Variants in MAML3 observed in about 807,000 individuals in gnomAD.
The protein encoded by MAML3 is mastermind-like protein 3.
Under a neutral mutation model 101.9 loss-of-function variants are expected in MAML3, and 27 were observed. The ratio of observed to expected loss-of-function variants is 0.27; its 90% CI spans 0.20 to 0.37. MAML3 has a LOEUF of 0.37. Ranked by LOEUF, MAML3 falls within the 10% of genes least tolerant of loss-of-function variation. The pLI is 1.00. For missense variants in MAML3, 1,316 were observed against 1,444.9 expected, an observed-to-expected ratio of 0.91 and a Z score of 1.45; for synonymous variants, 501 against 555.9, an observed-to-expected ratio of 0.90 and a Z score of 1.39.
chr4:140,114,330 A>G lies in MAML3; in HGVS notation c.468+38530T>C, dbSNP rs116553243. On this transcript the variant is annotated intron_variant, in intron 1 of 4. Transcript: ENST00000509479. ...TGTGCTGTTCCTTGAATTTCCTGCA[A>G]TCTCAACAGTACCTGGCACAGAGGG... 3.3e-3 allele frequency among the ~76,000 whole-genome samples: 508 copies of G among 152,338 alleles called. 5 individuals are homozygous for G. The highest frequency in any genetic ancestry group is 0.012 in the African/African-American group (479 of 41,578).
chr4:139,928,920 A>G lies in MAML3; in HGVS notation c.469-37953T>C, dbSNP rs145220120. 1.6e-3 allele frequency among the ~76,000 whole-genome samples: 243 copies of G among 152,354 alleles called. No individual in the cohort carries two copies. In the Middle Eastern group the frequency reaches 0.017, roughly 11 times the overall value. ...TTTGGAAGCTACTGAAATAGTTTAG[A>G]ATATCAGACAGGGTCTGAATTAGGG... On this transcript the variant is annotated intron_variant, in intron 1 of 4. Coordinates refer to ENST00000509479, the MANE Select transcript of MAML3 (RefSeq NM_018717.5).
At chr4:139,860,345 T>C (rs1192612483) in intron 2 of MAML3, among the ~76,000 whole-genome samples, 1 of 152,248 alleles carries the variant, frequency 6.6e-6, no homozygotes, top group Admixed American at 6.5e-5. Context: ...CTTGGCCATC[T>C]TCCAGAAAGT....
chr4:139,809,099 A>T (rs143978172), intron 2 of MAML3, among the ~76,000 whole-genome samples: 1 of 152,310 alleles, frequency 6.6e-6, no homozygotes, highest in East Asian at 1.9e-4. Flanking sequence ...TTCTTATTTC[A>T]TCTCCAGAAA....
At chr4:139,954,900 G>A (rs191886112) in intron 1 of MAML3, among the ~76,000 whole-genome samples, 3 of 151,530 alleles carry the variant, frequency 2.0e-5, no homozygotes, top group East Asian at 1.9e-4. Flanking sequence ...ATAATGTATC[G>A]ATAAAAATTT....
At chr4:139,864,710 T>C (rs1429223413) in intron 2 of MAML3, among the ~76,000 whole-genome samples, 1 of 111,738 alleles carries the variant, frequency 8.9e-6, no homozygotes. Context: ...GAAAAAGAAA[T>C]CTTGAATGAT....
chr4:139,812,363 G>A (rs894463669), intron 2 of MAML3, among the ~76,000 whole-genome samples: 8 of 152,168 alleles, frequency 5.3e-5, no homozygotes, highest in African/African-American at 1.4e-4. Flanking sequence ...ATTAGAAGTC[G>A]TAGACCCTGA....
At chr4:139,974,400 C>A (rs114011777) in intron 1 of MAML3, among the ~76,000 whole-genome samples, 39 of 152,150 alleles carry the variant, frequency 2.6e-4, no homozygotes, top group African/African-American at 9.2e-4. Flanking sequence ...CCACCGCGCC[C>A]GGCCATTTAA....
chr4:139,834,447 T>C (rs192134568), intron 2 of MAML3, among the ~76,000 whole-genome samples: 2 of 152,350 alleles, frequency 1.3e-5, no homozygotes, highest in Admixed American at 1.3e-4. Context: ...CACTTCTGTA[T>C]GTGGCCTGGG....
At chr4:139,995,611 G>A (rs1232129981) in intron 1 of MAML3, among the ~76,000 whole-genome samples, 1 of 152,058 alleles carries the variant, frequency 6.6e-6, no homozygotes, top group African/African-American at 2.4e-5. Flanking sequence ...TATTTGATTT[G>A]TTGGTGTGAG....
intron 1 of MAML3, among the ~76,000 whole-genome samples, chr4:140,118,067 G>A (rs1490942686): frequency 6.6e-6 from 1 of 151,576 alleles, no homozygotes; most frequent in Non-Finnish European, 1.5e-5. Context: ...CCCACAGCCG[G>A]CATTTCTTCA....
intron 1 of MAML3, among the ~76,000 whole-genome samples, chr4:140,093,264 T>A (rs1385513853): frequency 1.3e-5 from 2 of 152,174 alleles, no homozygotes; most frequent in Admixed American, 6.5e-5. Flanking sequence ...TTTAAAAAAA[T>A]TTCTTCAAGG....
At chr4:140,077,048 A>G (rs6536683) in intron 1 of MAML3, among the ~76,000 whole-genome samples, 147,740 of 152,002 alleles carry the variant, frequency 0.97, 71,926 homozygotes, top group East Asian at 1. Flanking sequence ...CCGCCACCAC[A>G]CCTGGCTAAT....
chr4:139,843,635 T>C (rs558066018), intron 2 of MAML3, among the ~76,000 whole-genome samples: 2 of 152,346 alleles, frequency 1.3e-5, no homozygotes, highest in East Asian at 3.9e-4. Context: ...TGTTCATAGA[T>C]GTAGGTAATT....
chr4:140,111,969 G>T (rs1393898496), intron 1 of MAML3, among the ~76,000 whole-genome samples: 2 of 152,092 alleles, frequency 1.3e-5, no homozygotes, highest in African/African-American at 4.8e-5. Context: ...TTCCTTTATA[G>T]ACTGACCCTT....
chr4:139,742,831 C>T (rs564229934), intron 2 of MAML3, among the ~76,000 whole-genome samples: 1 of 152,302 alleles, frequency 6.6e-6, no homozygotes, highest in East Asian at 1.9e-4. Context: ...AATAAATCCA[C>T]CTTTTTGACT....
chr4:140,134,737 G>T (rs751047966), intron 1 of MAML3, among the ~76,000 whole-genome samples: 1 of 152,148 alleles, frequency 6.6e-6, no homozygotes, highest in Non-Finnish European at 1.5e-5. Flanking sequence ...CTTCATGGGT[G>T]TTCTGCAAAA....
chr4:139,884,644 G>T (rs982007120), intron 2 of MAML3, among the ~76,000 whole-genome samples: 1 of 152,178 alleles, frequency 6.6e-6, no homozygotes, highest in Non-Finnish European at 1.5e-5. Context: ...CAGGGATTGT[G>T]GTTGCCTTCC....
intron 1 of MAML3, among the ~76,000 whole-genome samples, chr4:139,932,593 AATAGACACT>A (rs1243737511): frequency 6.6e-6 from 1 of 152,218 alleles, no homozygotes; most frequent in Non-Finnish European, 1.5e-5. Context: ...TCTCTATACT[AATAGACACT>A]ATCTTTGAAC....
intron 1 of MAML3, among the ~76,000 whole-genome samples, chr4:139,952,470 G>A (rs1169600576): frequency 6.6e-6 from 1 of 152,064 alleles, no homozygotes; most frequent in Non-Finnish European, 1.5e-5. Flanking sequence ...GCAGTTTATA[G>A]ACCACACCTG....
Sources: gnomAD v4.1 joint callset for allele counts (sites outside exome capture counted in the v4.1 genomes callset) on GRCh38, gnomAD v4.1.1 for gene constraint, MANE v1.5 for transcripts, NCBI Gene and HGNC (gene_info 2026-07-23, HGNC 2026-07-21) for gene names.